ST8SIA6: variants seen among roughly 807,000 people sequenced by gnomAD.
ST8SIA6 encodes alpha-2,8-sialyltransferase 8F.
Under a neutral mutation model 33.6 loss-of-function variants are expected in ST8SIA6, and 39 were observed. The ratio of observed to expected loss-of-function variants is 1.16; its 90% confidence interval spans 0.90 to 1.52. ST8SIA6 has a LOEUF of 1.52. Ranked by LOEUF, ST8SIA6 falls within the 40% of genes most tolerant of loss-of-function variation. The pLI is 0.00. For synonymous variants in ST8SIA6, 172 were observed against 167.2 expected, an observed-to-expected ratio of 1.03 and a Z score of -0.22; for missense variants, 441 against 443.8, an observed-to-expected ratio of 0.99 and a Z score of 0.06.
intron 3 of ST8SIA6, among the ~76,000 whole-genome samples, chr10:17,370,129 C>T (rs916198747): frequency 5.9e-5 from 9 of 151,972 alleles, no homozygotes; most frequent in Admixed American, 1.3e-4. Context: ...TACAGGCGCC[C>T]GCCACCACAC....
At chr10:17,381,242 T>C (rs1177428684) in intron 3 of ST8SIA6, among the ~76,000 whole-genome samples, 1 of 152,162 alleles carries the variant, frequency 6.6e-6, no homozygotes, top group Non-Finnish European at 1.5e-5. Flanking sequence ...TTGATTTTCA[T>C]CTGAGTTGTT....
intron 3 of ST8SIA6, among the ~76,000 whole-genome samples, chr10:17,368,407 C>CAAAAAAAAAAAAAAAAAAAAAAAAA (rs200826980): frequency 8.3e-5 from 6 of 72,196 alleles, no homozygotes; most frequent in African/African-American, 1.4e-4. Flanking sequence ...AGCTCTGTCT[C>CAAAAAAAAAAAAAAAAAAAAAAAAA]AAAAAAAAAA....
intron 4 of ST8SIA6, among the ~76,000 whole-genome samples, chr10:17,348,591 G>A (rs1469923904): frequency 1.3e-5 from 2 of 152,168 alleles, no homozygotes; most frequent in Non-Finnish European, 2.9e-5. Flanking sequence ...GCCATTTAGT[G>A]AGGCGGGTTC....
intron 3 of ST8SIA6, among the ~76,000 whole-genome samples, chr10:17,374,764 T>TATATATATATACACAC (rs1441288579): frequency 1.6e-5 from 2 of 126,854 alleles, no homozygotes; most frequent in African/African-American, 6.0e-5. Context: ...TATATATATA[T>TATATATATATACACAC]ATATTTAGCT....
chr10:17,384,498 GAA>G (rs1274343692), intron 3 of ST8SIA6, among the ~76,000 whole-genome samples: 1 of 152,146 alleles, frequency 6.6e-6, no homozygotes. Flanking sequence ...ACTGGAGAGA[GAA>G]AAAAATTGTG....
rs768617362 is a variant in ST8SIA6, at chr10:17,321,104, C to T, written c.971G>A (p.Gly324Asp). The change falls in exon 8 of 8, where the codon GGC becomes GAC. Residue 324 changes from glycine (G) to aspartate (D), a missense_variant. Coordinates refer to ENST00000377602, the MANE Select transcript of ST8SIA6 (RefSeq NM_001004470.3). ...CACTGCAACACTTGTGATCATCAAG[C>T]CGGTGGACAAGCGGTATGCAGTCAC... ...KGVTAYRLST[G>D]LMITSVAVEL... 3.1e-6 allele frequency: 5 copies of T among 1,613,986 alleles called. No homozygotes were observed. In the African/African-American group the frequency reaches 5.3e-5, roughly 17 times the overall value.
In ST8SIA6 at chr10:17,317,076, A is replaced by G. The variant is rs1847797899; in HGVS notation, c.*3802T>C. On this transcript the variant is annotated 3_prime_UTR_variant, in exon 8 of 8. Coordinates refer to ENST00000377602, the MANE Select transcript of ST8SIA6 (RefSeq NM_001004470.3). ...TCCTACATTTTCTTCTATGAGCTTT[A>G]AAGTTTTCTTTTTAATCCATCGTTT... Among the ~76,000 whole-genome samples the G allele has an allele frequency of 6.6e-6, 1 of 152,158 alleles. No individual in the cohort carries two copies. Among genetic ancestry groups the G allele is most frequent in the Admixed American group, 6.6e-5 (1 of 15,262 alleles).
chr10:17,450,707 G>A (rs1007868674), intron 2 of ST8SIA6, among the ~76,000 whole-genome samples: 1 of 152,202 alleles, frequency 6.6e-6, no homozygotes, highest in Non-Finnish European at 1.5e-5. Context: ...CTCCCAAAGT[G>A]CTGGGATTAC....
intron 2 of ST8SIA6, among the ~76,000 whole-genome samples, chr10:17,430,235 T>TGTTG (rs1852061461): frequency 6.6e-6 from 1 of 152,214 alleles, no homozygotes; most frequent in Non-Finnish European, 1.5e-5. Flanking sequence ...ATTATTTTGT[T>TGTTG]TCTTCTTATG....
chr10:17,379,728 T>C (rs190784048), intron 3 of ST8SIA6, among the ~76,000 whole-genome samples: 40 of 152,292 alleles, frequency 2.6e-4, no homozygotes, highest in Admixed American at 2.4e-3. Context: ...TGATGTCTCA[T>C]GTCTCCCTAA....
At chr10:17,444,675 C>T (rs1488616913) in intron 2 of ST8SIA6, among the ~76,000 whole-genome samples, 1 of 152,160 alleles carries the variant, frequency 6.6e-6, no homozygotes, top group African/African-American at 2.4e-5. Context: ...ATAGCTTTTC[C>T]AGAGCAGAGC....
intron 5 of ST8SIA6, among the ~76,000 whole-genome samples, chr10:17,330,118 T>A (rs1407639740): frequency 6.6e-6 from 1 of 152,176 alleles, no homozygotes; most frequent in African/African-American, 2.4e-5. Flanking sequence ...CTGTATTGAC[T>A]GCAGAATTTC....
At chr10:17,383,886 G>A (rs1850246500) in intron 3 of ST8SIA6, among the ~76,000 whole-genome samples, 1 of 152,256 alleles carries the variant, frequency 6.6e-6, no homozygotes, top group Admixed American at 6.5e-5. Flanking sequence ...CTGACAGCTT[G>A]TAACAATTTA....
intron 4 of ST8SIA6, among the ~76,000 whole-genome samples, chr10:17,355,623 C>T (rs1322969882): frequency 6.6e-6 from 1 of 152,190 alleles, no homozygotes; most frequent in African/African-American, 2.4e-5. Context: ...TTCTACACTA[C>T]TCCCTCCCTC....
At chr10:17,446,327 T>A (rs988630388) in intron 2 of ST8SIA6, among the ~76,000 whole-genome samples, 1 of 152,164 alleles carries the variant, frequency 6.6e-6, no homozygotes, top group Non-Finnish European at 1.5e-5. Context: ...GAAAAACAGT[T>A]AACTACAAGA....
rs141041076 is a variant in ST8SIA6, at chr10:17,360,952, A to G, written c.291-1352T>C. On this transcript the variant is annotated intron_variant, in intron 3 of 7. Transcript: ENST00000377602. The stretch of plus-strand genomic sequence containing the variant: ...GAAGAGGAAAAGGAAGAAGAAGAAG[A>G]AGGAGGAGGAGGAGAAGAAGAAGGA... Among the ~76,000 whole-genome samples, 956 of 151,130 alleles carry G rather than the reference A, an allele frequency of 6.3e-3. 3 individuals carry two copies. Among genetic ancestry groups the G allele is most frequent in the Non-Finnish European group, 9.6e-3 (648 of 67,732 alleles).
intron 4 of ST8SIA6, among the ~76,000 whole-genome samples, chr10:17,343,971 C>T (rs1010137223): frequency 6.6e-6 from 1 of 152,164 alleles, no homozygotes; most frequent in African/African-American, 2.4e-5. Flanking sequence ...GAGGGAAGCG[C>T]TATTATCATC....
intron 3 of ST8SIA6, among the ~76,000 whole-genome samples, chr10:17,376,690 G>A (rs1040474638): frequency 1.3e-5 from 2 of 152,110 alleles, no homozygotes; most frequent in Non-Finnish European, 2.9e-5. Context: ...CAAGTAATAA[G>A]TTTGTCATAC....
chr10:17,438,744 A>G (rs1852368635), intron 2 of ST8SIA6, among the ~76,000 whole-genome samples: 1 of 152,246 alleles, frequency 6.6e-6, no homozygotes. Flanking sequence ...ATAACAAAGA[A>G]AATCATTTTG....
Sources: allele counts gnomAD v4.1 joint callset (sites outside exome capture counted in the v4.1 genomes callset), GRCh38; gene constraint gnomAD v4.1.1; transcripts MANE v1.5; gene names NCBI Gene and HGNC (gene_info 2026-07-23, HGNC 2026-07-21).